Variants in SLC44A3 observed in about 807,000 individuals in gnomAD.
SLC44A3 encodes solute carrier family 44 member 3.
A neutral mutation model predicts 75.4 loss-of-function variants in SLC44A3; 74 were observed. That is an observed-to-expected ratio of 0.98 (90% CI 0.81 to 1.19). The LOEUF (loss-of-function observed/expected upper bound fraction) is 1.19, where lower values mean the gene tolerates loss of function less well. SLC44A3 is among the 50% of genes most tolerant of loss of function. SLC44A3 has a pLI of 0.00. For missense variants in SLC44A3, 700 were observed against 778.6 expected (o/e 0.90, Z 1.20); for synonymous variants, 310 against 296.9 (o/e 1.04, Z -0.45).
chr1:94,831,939 C>T (rs550909015), intron 5 of SLC44A3, among the ~76,000 whole-genome samples: 2 of 152,222 alleles, frequency 1.3e-5, no homozygotes, highest in East Asian at 1.9e-4. Flanking sequence ...TTTGGAAGGG[C>T]GAGGCGGGCA....
At chr1:94,836,967 G>A (rs1461396583) in intron 5 of SLC44A3, 2 of 149,022 alleles carry the variant, frequency 1.3e-5, no homozygotes, top group Non-Finnish European at 3.0e-5. Context: ...TGTAGTATAT[G>A]TACACATACC....
chr1:94,858,383 T>C (rs1044601695), intron 10 of SLC44A3, among the ~76,000 whole-genome samples: 7 of 152,090 alleles, frequency 4.6e-5, no homozygotes, highest in African/African-American at 1.7e-4. Flanking sequence ...CCCTATCACA[T>C]CATGAAAGCA....
chr1:94,820,486 C>T lies in SLC44A3; in HGVS notation c.27+8C>T. The T allele has an allele frequency of 6.7e-7, 1 of 1,493,300 alleles. No individual in the cohort carries two copies. The highest frequency in any genetic ancestry group is 8.9e-7 in the Non-Finnish European group (1 of 1,124,150). 92.5% of individuals were successfully genotyped at this position (1,493,300 alleles called of 1,614,324 possible). A position where few individuals can be genotyped will look rare whatever the true frequency, so the allele number is the denominator to read the frequency against. On this transcript the variant is annotated splice_region_variant and intron_variant, in intron 1 of 14. Coordinates refer to ENST00000271227, the MANE Select transcript of SLC44A3 (RefSeq NM_001114106.3). ...CTGGGCGCCGAGTACCTGGTAAGCG[C>T]TCGCAGCCTCGGCCCTCGGGGGAGG...
At chr1:94,853,024 T>C (rs1665408711) in intron 9 of SLC44A3, among the ~76,000 whole-genome samples, 1 of 152,158 alleles carries the variant, frequency 6.6e-6, no homozygotes, top group African/African-American at 2.4e-5. Flanking sequence ...TTTAGGAACT[T>C]GGGAACATAT....
intron 3 of SLC44A3, among the ~76,000 whole-genome samples, chr1:94,826,456 G>A (rs1187775268): frequency 6.6e-6 from 1 of 152,138 alleles, no homozygotes; most frequent in Non-Finnish European, 1.5e-5. Flanking sequence ...TTCAAGACCA[G>A]CCTGGCCAAC....
At chr1:94,854,524 A>G (rs778871308) in intron 9 of SLC44A3, among the ~76,000 whole-genome samples, 6 of 152,348 alleles carry the variant, frequency 3.9e-5, no homozygotes, top group Non-Finnish European at 8.8e-5. Context: ...AGACAAAGCA[A>G]CTGTCATGTG....
chr1:94,852,663 C>G (rs1192838976), intron 9 of SLC44A3, among the ~76,000 whole-genome samples: 1 of 152,090 alleles, frequency 6.6e-6, no homozygotes, highest in African/African-American at 2.4e-5. Context: ...AGCAGTGATT[C>G]AGTAAGAAGA....
intron 10 of SLC44A3, among the ~76,000 whole-genome samples, chr1:94,859,195 A>T (rs1666277373): frequency 6.6e-6 from 1 of 152,206 alleles, no homozygotes. Context: ...GCCTGACAGT[A>T]ATTTTGTGTT....
chr1:94,877,177 A>G (rs939149369), intron 12 of SLC44A3, among the ~76,000 whole-genome samples: 5 of 128,878 alleles, frequency 3.9e-5, no homozygotes, highest in African/African-American at 1.3e-4. Flanking sequence ...AGACCCATAG[A>G]CCTTTGTTTC....
At chr1:94,841,857 G>C in intron 7 of SLC44A3, 143 bp from the exon 8 acceptor site, 1 of 1,123,086 alleles carries the variant, frequency 8.9e-7, no homozygotes, top group Admixed American at 2.8e-5. Context: ...GTTGCTTGTA[G>C]GGTCCGGGTA....
Position 94,891,159 on chromosome 1 carries a change from G to A in SLC44A3, c.1512G>A (p.Gly504=). The change falls in exon 13 of 15, where the codon GGG becomes GGA. Residue 504 remains glycine, a synonymous_variant. Coordinates refer to ENST00000271227, the MANE Select transcript of SLC44A3 (RefSeq NM_001114106.3). ...QNAYTTTAIN[G]TDFCTSAKDA... ...CATATACTACAACTGCTATTAATGG[G>A]ACAGATTTCTGTACATCAGCAAAAG... The A allele has an allele frequency of 6.2e-7, 1 of 1,612,224 alleles. No individual in the cohort carries two copies.
intron 12 of SLC44A3, among the ~76,000 whole-genome samples, chr1:94,880,311 T>G (rs913857145): frequency 2.0e-5 from 3 of 152,166 alleles, no homozygotes. Flanking sequence ...AAATGTGATA[T>G]AGTCATACAG....
chr1:94,841,391 C>T lies in SLC44A3; in HGVS notation c.761-609C>T, dbSNP rs189343537. Among the ~76,000 whole-genome samples, 355 of 152,272 alleles carry T rather than the reference C, an allele frequency of 2.3e-3. 2 individuals are homozygous for T. Among genetic ancestry groups the T allele is most frequent in the African/African-American group, 7.3e-3 (302 of 41,550 alleles). On this transcript the variant is annotated intron_variant, in intron 7 of 14. Coordinates refer to ENST00000271227, the MANE Select transcript of SLC44A3 (RefSeq NM_001114106.3). ...AACTTAGAGCCCTGTAGCCCTGTGT[C>T]GGAGGACAGGCACAATGACTTCTGA...
At position 94,824,504 on chromosome 1, in the gene SLC44A3, G is replaced by A. The variant is rs1661037565; in HGVS notation, c.147G>A (p.Met49Ile). 1.2e-6 allele frequency: 2 copies of A among 1,604,046 alleles called. No individual in the cohort carries two copies. The highest frequency in any genetic ancestry group is 1.1e-5 in the South Asian group (1 of 89,892). Residue 49 changes from methionine (M) to isoleucine (I), a missense_variant, in exon 3 of 15, where the codon ATG becomes ATA. Coordinates refer to ENST00000271227, the MANE Select transcript of SLC44A3 (RefSeq NM_001114106.3). ...CCCGTTTTTGCCAGGTGTTTATCAT[G>A]GGCTACTCGGTGGTGGCTGGAGCCG... ...FLFWTGLVFI[M>I]GYSVVAGAAG...
chr1:94,836,939 G>A (rs1311198880), intron 5 of SLC44A3: 4 of 146,258 alleles, frequency 2.7e-5, no homozygotes, highest in African/African-American at 5.2e-5. Context: ...AAAAAAAAGA[G>A]GTTCCCCATA....
At chr1:94,837,955 A>G (rs1014284932) in intron 6 of SLC44A3, 84 bp downstream of exon 6, 18 of 1,226,802 alleles carry the variant, frequency 1.5e-5, no homozygotes, top group African/African-American at 7.9e-5. Flanking sequence ...AATGAAAATT[A>G]GCCTCTTGTT....
At chr1:94,835,609 CTT>C in intron 5 of SLC44A3, among the ~76,000 whole-genome samples, 1 of 152,310 alleles carries the variant, frequency 6.6e-6, no homozygotes, top group Non-Finnish European at 1.5e-5. Context: ...ACTTCCAACT[CTT>C]TTATGCTCTC....
intron 5 of SLC44A3, among the ~76,000 whole-genome samples, chr1:94,831,092 C>T (rs928188888): frequency 6.6e-6 from 1 of 152,174 alleles, no homozygotes; most frequent in Admixed American, 6.5e-5. Flanking sequence ...TGGTGAGTGG[C>T]CTTCCTAGAC....
intron 12 of SLC44A3, chr1:94,888,550 G>A (rs1030648761): frequency 2.8e-5 from 14 of 497,572 alleles, no homozygotes; most frequent in East Asian, 1.5e-4. Flanking sequence ...AACTGGAGCA[G>A]CTTTCCAGCA....
Sources: gnomAD v4.1 joint callset for allele counts (sites outside exome capture counted in the v4.1 genomes callset) on GRCh38, gnomAD v4.1.1 for gene constraint, MANE v1.5 for transcripts, NCBI Gene and HGNC (gene_info 2026-07-23, HGNC 2026-07-21) for gene names.